The following TASOR2 variants were observed in gnomAD, a reference collection of about 807,000 sequenced individuals.
TASOR2 encodes the protein transcription activation suppressor family member 2.
In TASOR2, 84 loss-of-function variants were observed where a neutral mutation model predicts 199.5. The ratio of observed to expected loss-of-function variants is 0.42; its 90% CI spans 0.35 to 0.50. TASOR2 has a LOEUF of 0.50. TASOR2 is among the 20% of genes least tolerant of loss of function. TASOR2 has a pLI of 0.02. For missense variants in TASOR2, 2,796 were observed against 2,835.9 expected, an observed-to-expected ratio of 0.99 and a Z score of 0.32; for synonymous variants, 1,103 against 1,046.6, an observed-to-expected ratio of 1.05 and a Z score of -1.04.
chr10:5,701,891 A>T lies in TASOR2; in HGVS notation c.-287-10932A>T, dbSNP rs529406314. ...TCCAGGTTTTTCTAAGTATAAGATCACGTTATCTGTGAACAGGCTTATTTG... is the reference window on the plus strand; with the variant it reads ...TCCAGGTTTTTCTAAGTATAAGATCTCGTTATCTGTGAACAGGCTTATTTG... On this transcript the variant is annotated intron_variant, in intron 1 of 20. Coordinates refer to ENST00000328090, the Ensembl canonical transcript of TASOR2. The surrounding 1 kb of genome is among the most constrained non-coding windows in gnomAD (Gnocchi z 4.9). Among the ~76,000 whole-genome samples the T allele has an allele frequency of 2.0e-5, 3 of 150,726 alleles. No individual in the cohort carries two copies. The highest frequency in any genetic ancestry group is 2.0e-4 in the Admixed American group (3 of 15,078).
At chr10:5,705,901 T>C (rs1564267063) in intron 1 of TASOR2, among the ~76,000 whole-genome samples, 1 of 152,220 alleles carries the variant, frequency 6.6e-6, no homozygotes. Flanking sequence ...TACATTTTTC[T>C]AGGTCACTAA....
intron 18 of TASOR2, 86 bp from the exon 20 acceptor site, chr10:5,761,204 G>C: frequency 8.6e-7 from 1 of 1,164,044 alleles, no homozygotes; most frequent in South Asian, 1.5e-5. Flanking sequence ...AGGAACTCAT[G>C]AGTTTGAATG....
intron 19 of TASOR2, 24 bp from the exon 21 acceptor site, chr10:5,762,508 G>GATTTTTT: frequency 1.4e-5 from 7 of 486,718 alleles, no homozygotes; most frequent in South Asian, 3.8e-5. Flanking sequence ...TTAACCAAAA[G>GATTTTTT]TTGTTTTTTT....
At chr10:5,733,353 CA>C (rs1190750593) in intron 11 of TASOR2, among the ~76,000 whole-genome samples, 1 of 151,990 alleles carries the variant, frequency 6.6e-6, no homozygotes, top group Non-Finnish European at 1.5e-5. Flanking sequence ...ACTAAAAACA[CA>C]AAAAATAGCC....
intron 11 of TASOR2, among the ~76,000 whole-genome samples, chr10:5,734,999 T>C (rs1588802547): frequency 1.3e-5 from 2 of 152,156 alleles, no homozygotes; most frequent in South Asian, 4.2e-4. Context: ...CAGCCCAAAG[T>C]TTTGTTTGTT....
chr10:5,734,643 A>G (rs537376643), intron 11 of TASOR2, among the ~76,000 whole-genome samples: 13 of 151,930 alleles, frequency 8.6e-5, no homozygotes, highest in South Asian at 2.1e-4. Context: ...TTAAACAGAA[A>G]TATCTATATC....
Position 5,746,977 on chromosome 10 carries a change from C to T in TASOR2, c.3556C>T (p.Gln1186Ter), listed in dbSNP as rs1490517953. The change falls in exon 15 of 21, where the codon CAG (glutamine) becomes TAG (stop). Residue 1186 changes from glutamine to a stop codon, truncating the protein, a stop_gained. Transcript: ENST00000328090. LOFTEE classifies it high-confidence loss of function. ...GAGATGCACTCAGGATTTCCTTTCA[C>T]AGACTCAGAGTCTCCTCGGCCTATC... is the stretch of plus-strand genomic sequence containing the variant. 6.2e-7 allele frequency: 1 copy of T among 1,614,104 alleles called. No homozygotes were observed. The highest frequency in any genetic ancestry group is 8.5e-7 in the Non-Finnish European group (1 of 1,180,046).
Position 5,730,801 on chromosome 10 carries a change from A to C in TASOR2, c.802A>C (p.Ser268Arg). The C allele has an allele frequency of 6.2e-7, 1 of 1,614,152 alleles. No homozygotes were observed. The highest frequency in any genetic ancestry group is 2.2e-5 in the East Asian group (1 of 44,890). Residue 268 changes from serine (S) to arginine (R), a missense_variant, in exon 11 of 21, where the codon AGT becomes CGT. Ser to Arg is a moderately radical substitution (Grantham distance 110). Around this residue, in one of 3 missense-constraint regions of TASOR2, gnomAD observed 847 missense variants for 887.4 expected, o/e 0.95. Transcript: ENST00000328090. The surrounding 1 kb of genome is among the most constrained non-coding windows in gnomAD (Gnocchi z 4.1). The stretch of plus-strand genomic sequence containing the variant: ...GTTGAACTCTTATTTTTCAGACCCT[A>C]GTGCTTACATTTTGGAAGTGTCTAC...
In TASOR2 at chr10:5,722,515, A is replaced by T. The variant is rs1440359606; in HGVS notation, c.147-1162A>T. 2.6e-5 allele frequency among the ~76,000 whole-genome samples: 4 copies of T among 152,114 alleles called. No homozygotes were observed. Among genetic ancestry groups the T allele is most frequent in the African/African-American group, 9.7e-5 (4 of 41,430 alleles). On this transcript the variant is annotated intron_variant, in intron 6 of 20. Coordinates refer to ENST00000328090, the Ensembl canonical transcript of TASOR2. The surrounding 1 kb of genome is among the most constrained non-coding windows in gnomAD (Gnocchi z 4.0). Reference sequence around the variant, plus strand: ...AATCACACAGAGAGGTATGTGACATAAAAGGGCATCAGGTTTGCATCTTAC... The same window carrying T: ...AATCACACAGAGAGGTATGTGACATTAAAGGGCATCAGGTTTGCATCTTAC...
chr10:5,745,794 A>C lies in TASOR2; in HGVS notation c.2758-385A>C, dbSNP rs529136786. 1.0e-3 allele frequency among the ~76,000 whole-genome samples: 158 copies of C among 152,282 alleles called. 1 individual carries two copies. Among genetic ancestry groups the C allele is most frequent in the African/African-American group, 3.6e-3 (150 of 41,554 alleles). On this transcript the variant is annotated intron_variant, in intron 14 of 20. Transcript: ENST00000328090. ...ACGCTGTCTTGAAAAAAAAAAAATT[A>C]ATCTCATTTATTAAAAACAAAATTG...
intron 11 of TASOR2, among the ~76,000 whole-genome samples, chr10:5,732,447 G>A (rs1016914734): frequency 2.0e-5 from 3 of 152,236 alleles, no homozygotes; most frequent in Non-Finnish European, 2.9e-5. Flanking sequence ...AAGCCAATCT[G>A]TAATATTTTG....
Position 5,699,692 on chromosome 10 carries a change from C to G in TASOR2, c.-287-13131C>G, listed in dbSNP as rs879519969. ...CCATTTCAGAAGTACACAAGGGAGA[C>G]TAGACACCATGGCAAAGATCATAAA... On this transcript the variant is annotated intron_variant, in intron 1 of 20. Coordinates refer to ENST00000328090, the Ensembl canonical transcript of TASOR2. This position sits in a 1 kb window ranked among gnomAD's most constrained non-coding sequence, Gnocchi z 4.1. 4.2e-6 allele frequency: 2 copies of G among 473,598 alleles called. No individual in the cohort carries two copies. Among genetic ancestry groups the G allele is most frequent in the Admixed American group, 6.4e-5 (1 of 15,620 alleles). 29.3% of individuals were successfully genotyped at this position (473,598 alleles called of 1,614,324 possible).
At chr10:5,695,805 A>T (rs1837078523) in intron 1 of TASOR2, among the ~76,000 whole-genome samples, 1 of 152,194 alleles carries the variant, frequency 6.6e-6, no homozygotes, top group South Asian at 2.1e-4. Flanking sequence ...AGCTGAAGAG[A>T]GGTAACCCAG....
chr10:5,745,446 A>C (rs1283248442), intron 14 of TASOR2, among the ~76,000 whole-genome samples: 1 of 152,126 alleles, frequency 6.6e-6, no homozygotes, highest in African/African-American at 2.4e-5. Flanking sequence ...CTTATGGTCT[A>C]ATTGAAAACG....
chr10:5,749,814 A>G (rs1680308859), exon 15 of TASOR2: 1 of 1,614,024 alleles, frequency 6.2e-7, no homozygotes, highest in South Asian at 1.1e-5. Flanking sequence ...TCATTTTCCA[A>G]GACAAAGAGC....
At chr10:5,712,635 T>C (rs1012413259) in intron 1 of TASOR2, 188 bp from the exon 2 acceptor site, 43 of 1,100,146 alleles carry the variant, frequency 3.9e-5, no homozygotes, top group Non-Finnish European at 4.8e-5. Context: ...TTTTTAGCTA[T>C]AATTTTTCAG....
At chr10:5,726,721 GAACTT>G in intron 8 of TASOR2, 159 bp from the exon 10 acceptor site, 1 of 618,698 alleles carries the variant, frequency 1.6e-6, no homozygotes, top group Non-Finnish European at 2.8e-6. Context: ...TTCAGCTAAG[GAACTT>G]GAAGTTTCTG....
intron 12 of TASOR2, among the ~76,000 whole-genome samples, chr10:5,736,825 G>A (rs376583862): frequency 1.1e-4 from 17 of 151,928 alleles, no homozygotes; most frequent in African/African-American, 3.6e-4. Context: ...TTTGTTTAAC[G>A]GAGAGACTTC....
At position 5,748,673 on chromosome 10, in the gene TASOR2, C is replaced by T; in HGVS notation, c.5252C>T (p.Ser1751Phe). Reference sequence around the variant, plus strand: ...GAGCTATTGAATGTCGGGGTTTCCTCCCTTTGTGCTGGTCCCTACCAAAAT... The same window carrying T: ...GAGCTATTGAATGTCGGGGTTTCCTTCCTTTGTGCTGGTCCCTACCAAAAT... The change falls in exon 15 of 21, where the codon TCC becomes TTC. Residue 1751 changes from serine to phenylalanine, a missense_variant. Ser to Phe is a radical substitution (Grantham distance 155, BLOSUM62 -2). Coordinates refer to ENST00000328090, the Ensembl canonical transcript of TASOR2. The surrounding 1 kb of genome is among the most constrained non-coding windows in gnomAD (Gnocchi z 5.1). 3.1e-6 allele frequency: 5 copies of T among 1,614,224 alleles called. No individual in the cohort carries two copies. Among genetic ancestry groups the T allele is most frequent in the Non-Finnish European group, 4.2e-6 (5 of 1,180,054 alleles).
Sources: gnomAD v4.1 joint callset for allele counts (sites outside exome capture counted in the v4.1 genomes callset) on GRCh38, gnomAD v4.1.1 for gene constraint, gnomAD v4.1.1 regional missense constraint, Gnocchi (gnomAD v3.1) non-coding constraint, MANE v1.5 for transcripts, NCBI Gene and HGNC (gene_info 2026-07-23, HGNC 2026-07-21) for gene names.